PBLD: variants seen among roughly 807,000 people sequenced by gnomAD.
The protein encoded by PBLD is phenazine biosynthesis-like domain-containing protein.
PBLD carries 26 observed loss-of-function variants against 31.3 expected under a neutral mutation model. That is an observed-to-expected ratio of 0.83 (90% confidence interval 0.61 to 1.15). The LOEUF (loss-of-function observed/expected upper bound fraction) is 1.15. PBLD is among the 50% of genes most tolerant of loss of function. The pLI, the probability that PBLD is intolerant of heterozygous loss-of-function variation, is 0.00. For missense variants in PBLD, 307 were observed against 351.7 expected (o/e 0.87, Z 1.02); for synonymous variants, 114 against 129.0 (o/e 0.88, Z 0.79).
intron 1 of PBLD, among the ~76,000 whole-genome samples, chr10:68,322,583 G>T (rs1263431470): frequency 6.6e-6 from 1 of 150,718 alleles, no homozygotes; most frequent in Non-Finnish European, 1.5e-5. Flanking sequence ...AGGATTGCTT[G>T]AGCCTAGGAG....
At chr10:68,317,134 C>A (rs1215995783) in intron 1 of PBLD, among the ~76,000 whole-genome samples, 1 of 152,122 alleles carries the variant, frequency 6.6e-6, no homozygotes, top group Admixed American at 6.5e-5. Context: ...TGCCAGAAGG[C>A]AGTAAAATGA....
chr10:68,289,100 A>C, intron 6 of PBLD, 81 bp from the exon 7 acceptor site: 16 of 1,057,782 alleles, frequency 1.5e-5, no homozygotes, highest in Non-Finnish European at 2.0e-5. Context: ...ATGACCTCTC[A>C]TTGAGCATCC....
At chr10:68,289,130 C>T in intron 6 of PBLD, 111 bp from the exon 7 acceptor site, 1 of 767,694 alleles carries the variant, frequency 1.3e-6, no homozygotes, top group East Asian at 2.5e-5. Context: ...CAAGCATGCC[C>T]ATCGTCTCCA....
At chr10:68,292,069 T>G in intron 5 of PBLD, 30 bp from the exon 6 acceptor site, 1 of 1,596,290 alleles carries the variant, frequency 6.3e-7, no homozygotes, top group Non-Finnish European at 8.6e-7. Flanking sequence ...ACAAAATTAT[T>G]ATAAAACAGG....
At chr10:68,321,327 C>T (rs1415192839) in intron 1 of PBLD, among the ~76,000 whole-genome samples, 1 of 152,134 alleles carries the variant, frequency 6.6e-6, no homozygotes, top group Non-Finnish European at 1.5e-5. Context: ...ATCAAGGAAA[C>T]AGAAGACTTG....
At chr10:68,291,863 C>A in intron 6 of PBLD, 147 bp downstream of exon 6, 3 of 927,896 alleles carry the variant, frequency 3.2e-6, no homozygotes, top group Non-Finnish European at 4.8e-6. Context: ...ACCTTCTCAC[C>A]AAATAGACTG....
chr10:68,307,574 A>T (rs2044599252), intron 1 of PBLD, among the ~76,000 whole-genome samples: 1 of 151,902 alleles, frequency 6.6e-6, no homozygotes, highest in Admixed American at 6.6e-5. Flanking sequence ...ATCTTGGCTC[A>T]CTGCAAGCTC....
At chr10:68,319,270 G>A (rs947655861) in intron 1 of PBLD, among the ~76,000 whole-genome samples, 1 of 151,816 alleles carries the variant, frequency 6.6e-6, no homozygotes, top group Non-Finnish European at 1.5e-5. Context: ...ACAAAGACAT[G>A]AGACATGTAG....
At chr10:68,300,727 T>C (rs2044494689) in intron 2 of PBLD, among the ~76,000 whole-genome samples, 2 of 152,126 alleles carry the variant, frequency 1.3e-5, no homozygotes, top group African/African-American at 2.4e-5. Flanking sequence ...AAAATGTCAT[T>C]GAGACACATA....
rs2044258854 is a variant in PBLD at position 68,284,171 on chromosome 10, C to A, written c.*6G>T. The A allele has an allele frequency of 2.5e-6, 4 of 1,608,904 alleles. No individual in the cohort carries two copies. Among genetic ancestry groups the A allele is most frequent in the Non-Finnish European group, 3.4e-6 (4 of 1,175,726 alleles). ...TAGAGACAGCAGCGTCACAGCATAACCACCTCTAGGCTGTCAGTGTGCCCT... is the reference window on the plus strand; with the variant it reads ...TAGAGACAGCAGCGTCACAGCATAAACACCTCTAGGCTGTCAGTGTGCCCT... On this transcript the variant is annotated 3_prime_UTR_variant, in exon 10 of 10. Transcript: ENST00000358769.
intron 1 of PBLD, among the ~76,000 whole-genome samples, chr10:68,316,237 A>G (rs1219954094): frequency 6.6e-6 from 1 of 152,180 alleles, no homozygotes; most frequent in Non-Finnish European, 1.5e-5. Flanking sequence ...CTAAAAAACT[A>G]AAGCAAAGTA....
At chr10:68,284,481 G>A (rs2044263391) in intron 9 of PBLD, among the ~76,000 whole-genome samples, 192 bp from the exon 10 acceptor site, 6 of 152,124 alleles carry the variant, frequency 3.9e-5, no homozygotes, top group Admixed American at 3.9e-4. Context: ...AACTCAATTT[G>A]ATCTACAGAA....
rs1220559310 is a variant in PBLD at position 68,282,928 on chromosome 10, A to G, written c.*1249T>C. The G allele has an allele frequency of 6.6e-6, 1 of 152,202 alleles. No homozygotes were observed. The highest frequency in any genetic ancestry group is 2.4e-5 in the African/African-American group (1 of 41,448). 9.4% of individuals were successfully genotyped at this position (152,202 alleles called of 1,614,324 possible). ...TCCCAAAGTCAACTATAGGTATTCA[A>G]TATTGTATATTTAACTGAATTTAAA... On this transcript the variant is annotated 3_prime_UTR_variant, in exon 10 of 10. Coordinates refer to ENST00000358769, the MANE Select transcript of PBLD (RefSeq NM_022129.4).
chr10:68,284,455 G>A (rs1248542922), intron 9 of PBLD, among the ~76,000 whole-genome samples, 166 bp from the exon 10 acceptor site: 1 of 152,138 alleles, frequency 6.6e-6, no homozygotes, highest in African/African-American at 2.4e-5. Flanking sequence ...TTCTCCTGCA[G>A]ACTGAGAAAG....
chr10:68,289,856 G>A (rs942619091), intron 6 of PBLD, among the ~76,000 whole-genome samples: 3 of 152,114 alleles, frequency 2.0e-5, no homozygotes, highest in Admixed American at 6.5e-5. Flanking sequence ...CGTTCCACAC[G>A]GCAAGCACTC....
rs2045258363 is a variant in PBLD at position 68,332,796 on chromosome 10, G to A, written c.-72C>T. ...TCGGCAGGGCTACCTGGGCTGACGG[G>A]ACTGCGAGTGACTTCTGACGCAGAT... On this transcript the variant is annotated 5_prime_UTR_variant, in exon 1 of 10. Coordinates refer to ENST00000358769, the MANE Select transcript of PBLD (RefSeq NM_022129.4). 6.6e-6 allele frequency: 1 copy of A among 152,302 alleles called. No homozygotes were observed. Among genetic ancestry groups the A allele is most frequent in the African/African-American group, 2.4e-5 (1 of 41,466 alleles). The allele number at this position is 152,302 out of a possible 1,614,324, so 9.4% of individuals were successfully genotyped here.
intron 2 of PBLD, among the ~76,000 whole-genome samples, chr10:68,298,912 G>A (rs991955744): frequency 4.0e-5 from 6 of 151,714 alleles, no homozygotes; most frequent in African/African-American, 1.2e-4. Flanking sequence ...TGAGACCAGC[G>A]TAGCCAATAT....
chr10:68,315,795 G>C (rs987778303), intron 1 of PBLD, among the ~76,000 whole-genome samples: 1 of 152,094 alleles, frequency 6.6e-6, no homozygotes, highest in Admixed American at 6.6e-5. Context: ...TGAGTGTCAA[G>C]GGTGTGCCCC....
At chr10:68,319,057 A>AGAGAG (rs1564737394) in intron 1 of PBLD, among the ~76,000 whole-genome samples, 1 of 59,736 alleles carries the variant, frequency 1.7e-5, no homozygotes, top group South Asian at 7.3e-4. Context: ...AAGAGAGAGA[A>AGAGAG]AGAAAGAAAG....
Sources: allele counts gnomAD v4.1 joint callset (sites outside exome capture counted in the v4.1 genomes callset), GRCh38; gene constraint gnomAD v4.1.1; transcripts MANE v1.5; gene names NCBI Gene and HGNC (gene_info 2026-07-23, HGNC 2026-07-21).